SAMD4A: variants seen among roughly 807,000 people sequenced by gnomAD.
SAMD4A encodes protein Smaug homolog 1.
Under a neutral mutation model 81.3 loss-of-function variants are expected in SAMD4A, and 33 were observed. The observed-to-expected ratio is 0.41, with a 90% CI of 0.31 to 0.54. SAMD4A has a LOEUF of 0.54. Among genes scored for constraint, SAMD4A ranks in the 20% least tolerant of loss-of-function variants. The probability of loss-of-function intolerance (pLI) is 0.37; values close to 1 mark genes in which losing one functional copy is unlikely to be tolerated. For missense variants in SAMD4A, 854 were observed against 951.1 expected (o/e 0.90, Z 1.34); for synonymous variants, 389 against 382.1 (o/e 1.02, Z -0.21).
intron 2 of SAMD4A, chr14:54,693,229 T>C (rs2140678921): frequency 6.6e-6 from 1 of 152,318 alleles, no homozygotes; most frequent in East Asian, 1.9e-4. Flanking sequence ...ATAATCAGAA[T>C]ACAACAAAGT....
chr14:54,735,597 A>G (rs998502291), intron 3 of SAMD4A, among the ~76,000 whole-genome samples: 3 of 152,222 alleles, frequency 2.0e-5, no homozygotes, highest in Admixed American at 2.0e-4. Context: ...AACACTGACC[A>G]CAGAGGCCTG....
At chr14:54,755,122 G>A (rs1205767800) in intron 6 of SAMD4A, among the ~76,000 whole-genome samples, 16 of 152,194 alleles carry the variant, frequency 1.1e-4, no homozygotes. Flanking sequence ...AGCAAGTCTT[G>A]ATGGGACCTT....
At chr14:54,786,742 TA>T (rs1355819600) in intron 12 of SAMD4A, among the ~76,000 whole-genome samples, 12 of 152,270 alleles carry the variant, frequency 7.9e-5, no homozygotes, top group African/African-American at 2.9e-4. Context: ...TTATCATCAT[TA>T]GCAGCAAGAA....
intron 2 of SAMD4A, among the ~76,000 whole-genome samples, chr14:54,609,540 C>T (rs894872384): frequency 2.6e-5 from 4 of 152,220 alleles, no homozygotes; most frequent in African/African-American, 9.7e-5. Flanking sequence ...TAGCCTGCTC[C>T]TGATGGTCAC....
At chr14:54,759,810 G>A (rs1006040055) in intron 6 of SAMD4A, among the ~76,000 whole-genome samples, 10 of 152,168 alleles carry the variant, frequency 6.6e-5, no homozygotes, top group African/African-American at 2.4e-4. Flanking sequence ...CAACTTTGTT[G>A]TACAGCTCCT....
chr14:54,784,141 G>A, intron 11 of SAMD4A: 1 of 562,482 alleles, frequency 1.8e-6, no homozygotes, highest in South Asian at 2.1e-5. Flanking sequence ...CGTGAGGTAG[G>A]AGGGGGCCTG....
At chr14:54,635,608 T>C (rs1367616837) in intron 2 of SAMD4A, among the ~76,000 whole-genome samples, 4 of 150,328 alleles carry the variant, frequency 2.7e-5, no homozygotes, top group African/African-American at 7.4e-5. Flanking sequence ...ATTAGCTGGG[T>C]GTGGTGGCTC....
chr14:54,785,376 G>A (rs1205551004), intron 12 of SAMD4A, among the ~76,000 whole-genome samples: 3 of 152,364 alleles, frequency 2.0e-5, no homozygotes, highest in South Asian at 2.1e-4. Flanking sequence ...GGTACTAAGC[G>A]GGCACCTTTC....
At chr14:54,585,730 T>C (rs1460493422) in intron 2 of SAMD4A, among the ~76,000 whole-genome samples, 1 of 152,192 alleles carries the variant, frequency 6.6e-6, no homozygotes. Context: ...CGTAGAATAA[T>C]AGTCTCCAGT....
chr14:54,707,143 G>A lies in SAMD4A; in HGVS notation c.715+4563G>A, dbSNP rs552321223. Among the ~76,000 whole-genome samples the A allele has an allele frequency of 4.7e-5, 6 of 126,754 alleles. No individual in the cohort carries two copies. In the South Asian group the frequency reaches 1.5e-3, roughly 31 times the overall value. 83.2% of individuals were successfully genotyped at this position (126,754 alleles called of 152,430 possible). ...TTTTGAGACAGGCTCTTGCTATGTTGCCCAGGCTGGAGTACAGTAGTGTGA... is the reference window on the plus strand; with the variant it reads ...TTTTGAGACAGGCTCTTGCTATGTTACCCAGGCTGGAGTACAGTAGTGTGA... On this transcript the variant is annotated intron_variant, in intron 3 of 12. Transcript: ENST00000554335.
At chr14:54,670,529 A>G (rs561799200) in intron 2 of SAMD4A, among the ~76,000 whole-genome samples, 1 of 152,360 alleles carries the variant, frequency 6.6e-6, no homozygotes, top group South Asian at 2.1e-4. Context: ...ATGTTTTACC[A>G]GCTTTTGACC....
Position 54,760,314 on chromosome 14 carries a change from G to A in SAMD4A, c.1330G>A (p.Glu444Lys), listed in dbSNP as rs201333924. The stretch of plus-strand genomic sequence containing the variant: ...GCGTCAGCCCTCACTGATGGGCCCC[G>A]AGAGCCAGAGCCCCGACTGCAAAGA... ...APRQPSLMGP[E>K]SQSPDCKDGA... The change falls in exon 7 of 13, where the codon GAG (glutamate) becomes AAG (lysine). Residue 444 changes from glutamate to lysine, a missense_variant. Physicochemically the swap from Glu to Lys is moderately conservative, Grantham distance 56. Around this residue, in one of 3 missense-constraint regions of SAMD4A, gnomAD observed 428 missense variants for 471.2 expected, o/e 0.91. Transcript: ENST00000554335. The A allele has an allele frequency of 6.7e-5, 108 of 1,607,634 alleles. No homozygotes were observed. In the African/African-American group the frequency reaches 1.1e-3, roughly 16 times the overall value.
intron 2 of SAMD4A, among the ~76,000 whole-genome samples, chr14:54,662,844 T>A (rs995339432): frequency 7.9e-5 from 12 of 152,310 alleles, no homozygotes; most frequent in African/African-American, 2.6e-4. Context: ...ACACCCCACG[T>A]TGACCCCCAG....
chr14:54,631,284 C>T (rs1364566194), intron 2 of SAMD4A, among the ~76,000 whole-genome samples: 4 of 152,266 alleles, frequency 2.6e-5, no homozygotes, highest in Admixed American at 2.0e-4. Context: ...ATGTTAATCT[C>T]ATCCCAAAAC....
chr14:54,673,816 G>A (rs537076360), intron 2 of SAMD4A, among the ~76,000 whole-genome samples: 47 of 152,286 alleles, frequency 3.1e-4, no homozygotes, highest in Middle Eastern at 3.4e-3. Context: ...ATCAAATTTC[G>A]GTCTTCTGTC....
intron 3 of SAMD4A, among the ~76,000 whole-genome samples, chr14:54,732,362 T>G (rs1317121874): frequency 1.3e-5 from 2 of 152,134 alleles, no homozygotes; most frequent in African/African-American, 4.8e-5. Context: ...CAAGGCTTGG[T>G]GTACGTAGGG....
intron 2 of SAMD4A, among the ~76,000 whole-genome samples, chr14:54,629,816 T>G (rs1330160414): frequency 7.2e-5 from 11 of 152,212 alleles, no homozygotes; most frequent in African/African-American, 2.2e-4. Context: ...AAACTGTGTG[T>G]GTATATTAAA....
At chr14:54,627,776 C>A (rs1355891381) in intron 2 of SAMD4A, among the ~76,000 whole-genome samples, 1 of 152,134 alleles carries the variant, frequency 6.6e-6, no homozygotes, top group African/African-American at 2.4e-5. Flanking sequence ...AACTGCAGGT[C>A]AAAAAGTAAT....
At chr14:54,759,422 T>A (rs923662895) in intron 6 of SAMD4A, among the ~76,000 whole-genome samples, 1 of 152,156 alleles carries the variant, frequency 6.6e-6, no homozygotes, top group Non-Finnish European at 1.5e-5. Context: ...CTCCCCAGGA[T>A]CCTCATGCCC....
Sources: gnomAD v4.1 joint callset for allele counts (sites outside exome capture counted in the v4.1 genomes callset) on GRCh38, gnomAD v4.1.1 for gene constraint, gnomAD v4.1.1 regional missense constraint, MANE v1.5 for transcripts, NCBI Gene and HGNC (gene_info 2026-07-23, HGNC 2026-07-21) for gene names.